ST6GALNAC5: variants seen among roughly 807,000 people sequenced by gnomAD.
ST6GALNAC5 encodes the protein ST6 N-acetylgalactosaminide alpha-2,6-sialyltransferase 5, also known as alpha-N-acetylgalactosaminide alpha-2,6-sialyltransferase 5.
Under a neutral mutation model 33.6 loss-of-function variants are expected in ST6GALNAC5, and 27 were observed. The observed-to-expected ratio is 0.80, with a 90% CI of 0.59 to 1.11. The LOEUF (loss-of-function observed/expected upper bound fraction) is 1.11, where lower values mean the gene tolerates loss of function less well. Ranked by LOEUF, ST6GALNAC5 falls within the 50% of genes least tolerant of loss-of-function variation. The pLI, the probability that ST6GALNAC5 is intolerant of heterozygous loss-of-function variation, is 0.00. For synonymous variants in ST6GALNAC5, 194 were observed against 171.2 expected (o/e 1.13, Z -1.04); for missense variants, 428 against 454.0 (o/e 0.94, Z 0.52).
intron 2 of ST6GALNAC5, among the ~76,000 whole-genome samples, chr1:76,922,905 C>T (rs1364686646): frequency 6.6e-6 from 1 of 151,058 alleles, no homozygotes; most frequent in South Asian, 2.1e-4. Flanking sequence ...CACTACACTC[C>T]CGCCTAGGTG....
At chr1:77,015,907 T>G (rs1268448345) in intron 2 of ST6GALNAC5, among the ~76,000 whole-genome samples, 3 of 151,854 alleles carry the variant, frequency 2.0e-5, no homozygotes, top group Non-Finnish European at 4.4e-5. Context: ...CAGGGGCCTG[T>G]TCGGGGAGGC....
chr1:76,951,499 AG>A (rs1051799898), intron 2 of ST6GALNAC5, among the ~76,000 whole-genome samples: 1 of 152,100 alleles, frequency 6.6e-6, no homozygotes, highest in African/African-American at 2.4e-5. Context: ...TGGGAGGGTC[AG>A]GGGAGGGATG....
chr1:77,033,113 A>G (rs1474874184), intron 2 of ST6GALNAC5, among the ~76,000 whole-genome samples: 1 of 152,202 alleles, frequency 6.6e-6, no homozygotes, highest in Non-Finnish European at 1.5e-5. Context: ...AGTTATTTGA[A>G]GGCACTGAGG....
intron 2 of ST6GALNAC5, among the ~76,000 whole-genome samples, chr1:76,982,303 A>G (rs1238633209): frequency 1.3e-5 from 2 of 152,196 alleles, no homozygotes; most frequent in Non-Finnish European, 2.9e-5. Flanking sequence ...AATAAACAGT[A>G]AAGAGAAGAC....
intron 2 of ST6GALNAC5, among the ~76,000 whole-genome samples, chr1:76,876,262 G>T (rs1340382226): frequency 6.6e-6 from 1 of 152,162 alleles, no homozygotes; most frequent in Non-Finnish European, 1.5e-5. Context: ...CTGCTGTCAA[G>T]TTGGGCACTC....
At chr1:76,936,679 A>T (rs927103968) in intron 2 of ST6GALNAC5, among the ~76,000 whole-genome samples, 5 of 152,100 alleles carry the variant, frequency 3.3e-5, no homozygotes, top group African/African-American at 1.2e-4. Flanking sequence ...TTATTATAAG[A>T]TAATACGATA....
At position 76,868,653 on chromosome 1, in the gene ST6GALNAC5, C is replaced by CCGG. The variant is rs745563209; in HGVS notation, c.179_181dup (p.Ala60dup). ...GGCGTCGGCCACCGGCAGCTCGCAG[C>CCGG]CGGCGGCGGAGAGCAGCACCCAGCA... On this transcript the variant is annotated inframe_insertion, in exon 2 of 5. Coordinates refer to ENST00000477717, the MANE Select transcript of ST6GALNAC5 (RefSeq NM_030965.3). The surrounding 1 kb of genome is among the most constrained non-coding windows in gnomAD (Gnocchi z 4.3). 4 of 1,597,964 alleles carry CCGG rather than the reference C, an allele frequency of 2.5e-6. No homozygotes were observed. Among genetic ancestry groups the CCGG allele is most frequent in the Non-Finnish European group, 3.4e-6 (4 of 1,171,638 alleles).
intron 2 of ST6GALNAC5, among the ~76,000 whole-genome samples, chr1:76,929,947 C>T (rs867556864): frequency 6.6e-6 from 1 of 151,726 alleles, no homozygotes; most frequent in South Asian, 2.1e-4. Context: ...CTCATCTCTA[C>T]AAAAAAATAA....
chr1:76,960,930 C>T (rs1341976476), intron 2 of ST6GALNAC5, among the ~76,000 whole-genome samples: 2 of 152,044 alleles, frequency 1.3e-5, no homozygotes, highest in African/African-American at 4.8e-5. Context: ...TCACAGGGTC[C>T]TGAGGCGACA....
chr1:76,982,918 A>G (rs1237981661), intron 2 of ST6GALNAC5, among the ~76,000 whole-genome samples: 1 of 152,032 alleles, frequency 6.6e-6, no homozygotes, highest in African/African-American at 2.4e-5. Flanking sequence ...ACAAAGCTTC[A>G]TACGTGAAGG....
Position 77,066,416 on chromosome 1 carries a change from G to A in ST6GALNAC5, c.*3210G>A, listed in dbSNP as rs957798563. On this transcript the variant is annotated 3_prime_UTR_variant, in exon 5 of 5. Coordinates refer to ENST00000477717, the MANE Select transcript of ST6GALNAC5 (RefSeq NM_030965.3). ...CTATTTGAATGACATGAGAATGGAG[G>A]GAAATAATCTCATTTTGAAATAAAA... 3.9e-5 allele frequency among the ~76,000 whole-genome samples: 6 copies of A among 151,926 alleles called. No individual in the cohort carries two copies. Among genetic ancestry groups the A allele is most frequent in the African/African-American group, 1.5e-4 (6 of 41,306 alleles).
At chr1:76,997,078 G>A (rs969905871) in intron 2 of ST6GALNAC5, among the ~76,000 whole-genome samples, 1 of 152,208 alleles carries the variant, frequency 6.6e-6, no homozygotes, top group Non-Finnish European at 1.5e-5. Context: ...GTAAAGCAAA[G>A]CGAGGAAAGG....
At chr1:76,923,591 G>T (rs1647056058) in intron 2 of ST6GALNAC5, among the ~76,000 whole-genome samples, 1 of 152,088 alleles carries the variant, frequency 6.6e-6, no homozygotes, top group South Asian at 2.1e-4. Context: ...TACTTGGGAG[G>T]CTGAGACAGG....
Position 76,982,102 on chromosome 1 carries a change from TCTC to T in ST6GALNAC5, c.262-62097_262-62095del, listed in dbSNP as rs376745721. Among the ~76,000 whole-genome samples, 317 of 152,216 alleles carry T rather than the reference TCTC, an allele frequency of 2.1e-3. 1 individual carries two copies. The East Asian group carries it at 0.028, about 14-fold the overall frequency. On this transcript the variant is annotated intron_variant, in intron 2 of 4. Transcript: ENST00000477717. Reference sequence around the variant, plus strand: ...AAATTCTGAAAATCAGAGCACCTCTTCTCCTCCAAAGGATCACAGCTCCTCGCC... The same window carrying T: ...AAATTCTGAAAATCAGAGCACCTCTTCTCCAAAGGATCACAGCTCCTCGCC...
In ST6GALNAC5 at chr1:77,043,807, G is replaced by A. The variant is rs552817868; in HGVS notation, c.262-397G>A. 4.6e-5 allele frequency among the ~76,000 whole-genome samples: 7 copies of A among 152,234 alleles called. No homozygotes were observed. The South Asian group carries it at 6.2e-4, about 14-fold the overall frequency. On this transcript the variant is annotated intron_variant, in intron 2 of 4. Transcript: ENST00000477717. ...TCAAAAATACCTAGTTTTGAAAGCC[G>A]GAAGCACAACTTTATTACTGGCTAG...
chr1:77,063,256 C>A lies in ST6GALNAC5; in HGVS notation c.*50C>A. On this transcript the variant is annotated 3_prime_UTR_variant, in exon 5 of 5. Transcript: ENST00000477717. ...CCCAGGTATTCACTGCATCAGACAC[C>A]GAGACACTGAACTTCCTGAGCCACC... 1 of 1,540,170 alleles carries A rather than the reference C, an allele frequency of 6.5e-7. No homozygotes were observed. The highest frequency in any genetic ancestry group is 1.1e-5 in the South Asian group (1 of 87,938).
At chr1:76,898,981 C>A (rs1646787070) in intron 2 of ST6GALNAC5, among the ~76,000 whole-genome samples, 1 of 152,116 alleles carries the variant, frequency 6.6e-6, no homozygotes, top group Non-Finnish European at 1.5e-5. Flanking sequence ...GCATTGGGAA[C>A]AGAGACTAGG....
chr1:76,867,756 G>A, intron 1 of ST6GALNAC5, 66 bp downstream of exon 1: 1 of 1,611,822 alleles, frequency 6.2e-7, no homozygotes, highest in Non-Finnish European at 8.5e-7. Context: ...TCCACGGGAC[G>A]CACCGTGGAG....
intron 2 of ST6GALNAC5, among the ~76,000 whole-genome samples, chr1:77,007,824 A>G (rs1650485807): frequency 6.6e-6 from 1 of 152,158 alleles, no homozygotes. Flanking sequence ...TACAAGACTG[A>G]TGGATTCGCT....
Sources: gnomAD v4.1 joint callset for allele counts (sites outside exome capture counted in the v4.1 genomes callset) on GRCh38, gnomAD v4.1.1 for gene constraint, Gnocchi (gnomAD v3.1) non-coding constraint, MANE v1.5 for transcripts, NCBI Gene and HGNC (gene_info 2026-07-23, HGNC 2026-07-21) for gene names.